Variants in INPP4B observed in about 807,000 individuals in gnomAD.
INPP4B encodes inositol polyphosphate-4-phosphatase type II B.
A neutral mutation model predicts 122.5 loss-of-function variants in INPP4B; 55 were observed. That is an observed-to-expected ratio of 0.45 (90% CI 0.36 to 0.56). The LOEUF is 0.56. Among genes scored for constraint, INPP4B ranks in the 20% least tolerant of loss-of-function variants. The pLI, the probability that INPP4B is intolerant of heterozygous loss-of-function variation, is 0.00. For synonymous variants in INPP4B, 403 were observed against 388.7 expected (o/e 1.04, Z -0.43); for missense variants, 1,000 against 1,097.7 (o/e 0.91, Z 1.26).
chr4:142,587,674 A>G (rs147942301), intron 2 of INPP4B, among the ~76,000 whole-genome samples: 2,150 of 152,130 alleles, frequency 0.014, 40 homozygotes, highest in African/African-American at 0.041. Flanking sequence ...TAACCTTTGC[A>G]TTACAAACAA....
intron 1 of INPP4B, among the ~76,000 whole-genome samples, chr4:142,785,397 ATAATTATAAC>A (rs1410711563): frequency 1.3e-5 from 2 of 152,150 alleles, no homozygotes; most frequent in Admixed American, 1.3e-4. Context: ...AAAAATTAAA[ATAATTATAAC>A]TAATATATTA....
At chr4:142,622,624 G>C (rs1405832045) in intron 2 of INPP4B, among the ~76,000 whole-genome samples, 1 of 151,898 alleles carries the variant, frequency 6.6e-6, no homozygotes, top group Non-Finnish European at 1.5e-5. Flanking sequence ...GACAGGCAAG[G>C]GGAGAAAGAG....
chr4:142,290,877 A>G (rs1189071933), intron 9 of INPP4B, among the ~76,000 whole-genome samples: 1 of 152,154 alleles, frequency 6.6e-6, no homozygotes, highest in Non-Finnish European at 1.5e-5. Flanking sequence ...TCAGTGTTTT[A>G]AGACACTCAA....
At chr4:142,294,006 CAG>C (rs1415142770) in intron 9 of INPP4B, among the ~76,000 whole-genome samples, 1 of 152,092 alleles carries the variant, frequency 6.6e-6, no homozygotes, top group African/African-American at 2.4e-5. Context: ...CACGTGGATA[CAG>C]AGTGTGGAAT....
chr4:142,654,338 T>C (rs934016526), intron 2 of INPP4B, among the ~76,000 whole-genome samples: 1 of 143,842 alleles, frequency 7.0e-6, no homozygotes, highest in East Asian at 2.0e-4. Flanking sequence ...AACTGCACAT[T>C]GTGCACTTGT....
At chr4:142,448,329 CAAA>C (rs71586289) in intron 3 of INPP4B, among the ~76,000 whole-genome samples, 5 of 61,988 alleles carry the variant, frequency 8.1e-5, no homozygotes, top group African/African-American at 2.6e-4. Context: ...TATCCATCTC[CAAA>C]AAAAAAAAAA....
chr4:142,786,695 A>G (rs989996383), intron 1 of INPP4B, among the ~76,000 whole-genome samples: 3 of 152,122 alleles, frequency 2.0e-5, no homozygotes, highest in Non-Finnish European at 4.4e-5. Flanking sequence ...TACCCTCAAT[A>G]TGGTATGATA....
chr4:142,739,950 T>G (rs563224685), intron 1 of INPP4B, among the ~76,000 whole-genome samples: 20 of 152,190 alleles, frequency 1.3e-4, no homozygotes, highest in African/African-American at 4.6e-4. Context: ...CCCATTTTCA[T>G]AACATTTCTG....
intron 17 of INPP4B, among the ~76,000 whole-genome samples, chr4:142,152,961 T>C (rs1453331575): frequency 1.3e-5 from 2 of 152,188 alleles, no homozygotes; most frequent in African/African-American, 4.8e-5. Context: ...TAATCTGTTA[T>C]TTGGTAGTAA....
intron 11 of INPP4B, among the ~76,000 whole-genome samples, chr4:142,246,015 TGTGTGTATGTACACACAC>T (rs1728332055): frequency 7.1e-6 from 1 of 141,428 alleles, no homozygotes; most frequent in Non-Finnish European, 1.5e-5. Context: ...TATACACACA[TGTGTGTATGTACACACAC>T]GTGTGTGTAT....
In INPP4B at chr4:142,270,824, C is replaced by T. The variant is rs946363595; in HGVS notation, c.504-50G>A. ...GAAAGGTAAGAAGCTTCTCTCTCCC[C>T]CAAAAATATCCAAAACACATTTGTT... is the stretch of plus-strand genomic sequence containing the variant. On this transcript the variant is annotated intron_variant, in intron 9 of 25. Transcript: ENST00000262992. The T allele has an allele frequency of 6.1e-6, 7 of 1,138,292 alleles. No homozygotes were observed. In the African/African-American group the frequency reaches 1.1e-4, roughly 17 times the overall value. The allele number at this position is 1,138,292 out of a possible 1,614,324, so 70.5% of individuals were successfully genotyped here.
At chr4:142,473,646 C>A (rs1819297069) in intron 2 of INPP4B, among the ~76,000 whole-genome samples, 1 of 152,212 alleles carries the variant, frequency 6.6e-6, no homozygotes, top group South Asian at 2.1e-4. Context: ...ATTGCTCCAC[C>A]CAGCTCACTG....
At chr4:142,207,822 G>C (rs1561484055) in intron 14 of INPP4B, among the ~76,000 whole-genome samples, 1 of 152,140 alleles carries the variant, frequency 6.6e-6, no homozygotes, top group Non-Finnish European at 1.5e-5. Context: ...TAAATGGCAA[G>C]AGATTATGTA....
At chr4:142,443,928 A>C (rs1812367915) in intron 3 of INPP4B, among the ~76,000 whole-genome samples, 1 of 152,160 alleles carries the variant, frequency 6.6e-6, no homozygotes, top group Non-Finnish European at 1.5e-5. Flanking sequence ...AAAAGCAAAA[A>C]AATAATATGT....
intron 1 of INPP4B, among the ~76,000 whole-genome samples, chr4:142,802,003 A>G (rs1444561121): frequency 3.3e-5 from 5 of 152,140 alleles, no homozygotes; most frequent in Admixed American, 1.3e-4. Context: ...ATTAAAAAAG[A>G]CTCAGTTAGG....
chr4:142,327,313 A>G (rs914203924), intron 7 of INPP4B, among the ~76,000 whole-genome samples: 2 of 152,202 alleles, frequency 1.3e-5, no homozygotes, highest in African/African-American at 4.8e-5. Flanking sequence ...CTATCGTGAT[A>G]CGGCTTATGT....
intron 8 of INPP4B, 77 bp downstream of exon 8, chr4:142,314,635 G>T: frequency 7.5e-7 from 1 of 1,332,670 alleles, no homozygotes; most frequent in Non-Finnish European, 1.1e-6. Context: ...CAGTTACCAA[G>T]CAGGAGGCCA....
intron 11 of INPP4B, among the ~76,000 whole-genome samples, chr4:142,252,386 C>T (rs1425574827): frequency 6.6e-6 from 1 of 151,656 alleles, no homozygotes; most frequent in East Asian, 1.9e-4. Flanking sequence ...GACGGGGTTT[C>T]GCCGTGTTAG....
At chr4:142,666,025 G>A (rs1365345709) in intron 2 of INPP4B, among the ~76,000 whole-genome samples, 2 of 152,078 alleles carry the variant, frequency 1.3e-5, no homozygotes, top group Non-Finnish European at 1.5e-5. Context: ...TGTCAATCTG[G>A]CCTATTTCTC....
Sources: gnomAD v4.1 joint callset for allele counts (sites outside exome capture counted in the v4.1 genomes callset) on GRCh38, gnomAD v4.1.1 for gene constraint, MANE v1.5 for transcripts, NCBI Gene and HGNC (gene_info 2026-07-23, HGNC 2026-07-21) for gene names.